Variants in RILPL2 observed in about 807,000 individuals in gnomAD.
RILPL2 encodes the protein RILP-like protein 2.
A neutral mutation model predicts 22.2 loss-of-function variants in RILPL2; 19 were observed. That is an observed-to-expected ratio of 0.86 (90% confidence interval 0.60 to 1.25). The LOEUF (loss-of-function observed/expected upper bound fraction) is 1.25. Ranked by LOEUF, RILPL2 falls within the 50% of genes most tolerant of loss-of-function variation. The pLI, the probability that RILPL2 is intolerant of heterozygous loss-of-function variation, is 0.00. For synonymous variants in RILPL2, 123 were observed against 111.6 expected (o/e 1.10, Z -0.64); for missense variants, 243 against 263.6 (o/e 0.92, Z 0.54).
At chr12:123,427,470 T>C (rs944194438) in intron 2 of RILPL2, among the ~76,000 whole-genome samples, 3 of 152,074 alleles carry the variant, frequency 2.0e-5, no homozygotes, top group South Asian at 2.1e-4. Flanking sequence ...CAAAGTTTCA[T>C]TGCAAAAGGT....
intron 3 of RILPL2, among the ~76,000 whole-genome samples, chr12:123,419,449 TGCATA>T (rs1468063161): frequency 6.6e-6 from 1 of 152,090 alleles, no homozygotes; most frequent in African/African-American, 2.4e-5. Context: ...CAGAGGAAAG[TGCATA>T]GCATGTTCCA....
rs1248805011 is a variant in RILPL2 at position 123,436,066 on chromosome 12, T to A, written c.339+16A>T. On this transcript the variant is annotated intron_variant, in intron 1 of 3. Coordinates refer to ENST00000280571, the MANE Select transcript of RILPL2 (RefSeq NM_145058.3). The surrounding 1 kb of genome is among the most constrained non-coding windows in gnomAD (Gnocchi z 6.7). ...CGCAGGCGCCGTGGGCCCGGAACCC[T>A]CGCTCCCACACTCACCTCCCCGCTG... 6 of 1,558,108 alleles carry A rather than the reference T, an allele frequency of 3.9e-6. No homozygotes were observed. The highest frequency in any genetic ancestry group is 3.5e-5 in the South Asian group (3 of 85,410).
intron 3 of RILPL2, 59 bp downstream of exon 3, chr12:123,422,985 C>G: frequency 7.0e-6 from 9 of 1,277,142 alleles, no homozygotes; most frequent in Non-Finnish European, 9.1e-6. Context: ...CTTCTTGCCC[C>G]CGACTACTTC....
chr12:123,410,031 A>G, the RILPL2 span, among the ~76,000 whole-genome samples: 1 of 152,014 alleles, frequency 6.6e-6, no homozygotes, highest in Non-Finnish European at 1.5e-5. Context: ...CGGCCACAGT[A>G]GAGACAGGGT....
At chr12:123,419,755 T>C (rs752795942) in intron 3 of RILPL2, among the ~76,000 whole-genome samples, 1 of 151,336 alleles carries the variant, frequency 6.6e-6, no homozygotes, top group Non-Finnish European at 1.5e-5. Context: ...ACAGAGGCCA[T>C]GGCTAATTTT....
rs1429780743 is a variant in RILPL2, at chr12:123,423,600, G to C, written c.492-443C>G. On this transcript the variant is annotated intron_variant, in intron 2 of 3. Coordinates refer to ENST00000280571, the MANE Select transcript of RILPL2 (RefSeq NM_145058.3). The stretch of plus-strand genomic sequence containing the variant: ...ATTACGGTTGAAAGCACTAGAGTCA[G>C]AGAAATTCTGTTTAAAATTAGAATC... 2.0e-5 allele frequency among the ~76,000 whole-genome samples: 3 copies of C among 151,754 alleles called. No individual in the cohort carries two copies. The East Asian group carries it at 5.8e-4, about 29-fold the overall frequency.
Position 123,436,271 on chromosome 12 carries a change from G to A in RILPL2, c.150C>T (p.Arg50=). ...DVYDISYLLG[R]ELMALGSDPR... ...GGTCGCTGCCCAGGGCCATAAGCTC[G>A]CGGCCCAACAGGTAGGAGATGTCAT... Residue 50 remains arginine, a synonymous_variant, in exon 1 of 4, where the codon CGC becomes CGT. Coordinates refer to ENST00000280571, the MANE Select transcript of RILPL2 (RefSeq NM_145058.3). This position sits in a 1 kb window ranked among gnomAD's most constrained non-coding sequence, Gnocchi z 6.7. The A allele has an allele frequency of 6.2e-7, 1 of 1,609,254 alleles. No individual in the cohort carries two copies. The highest frequency in any genetic ancestry group is 8.5e-7 in the Non-Finnish European group (1 of 1,178,038).
intron 3 of RILPL2, among the ~76,000 whole-genome samples, chr12:123,422,223 A>G (rs1472896497): frequency 9.4e-6 from 1 of 106,242 alleles, no homozygotes; most frequent in Non-Finnish European, 2.1e-5. Flanking sequence ...ATACCAGCTA[A>G]TTAAAAAAAA....
downstream of RILPL2, chr12:123,414,520 G>A (rs1308180922): frequency 6.5e-6 from 1 of 152,688 alleles, no homozygotes; most frequent in East Asian, 1.9e-4. Context: ...TGCAAGCTGA[G>A]GGAGCGGGCT....
chr12:123,416,805 C>G (rs1021857957), intron 3 of RILPL2, among the ~76,000 whole-genome samples: 2 of 152,196 alleles, frequency 1.3e-5, no homozygotes, highest in Non-Finnish European at 2.9e-5. Context: ...CACTTTTGCT[C>G]TATTAGGCTC....
Position 123,415,755 on chromosome 12 carries a change from C to T in RILPL2, c.*136G>A. The T allele has an allele frequency of 1.2e-6, 1 of 863,156 alleles. No homozygotes were observed. Among genetic ancestry groups the T allele is most frequent in the Non-Finnish European group, 2.0e-6 (1 of 507,338 alleles). The allele number at this position is 863,156 out of a possible 1,614,324, so 53.5% of individuals were successfully genotyped here. A position where few individuals can be genotyped will look rare whatever the true frequency, so the allele number is the denominator to read the frequency against. ...ATGCCAAGAGAACCTCGTCTCCTCC[C>T]TCCTCAGTCTGCTTTGAAGGGGAAA... On this transcript the variant is annotated 3_prime_UTR_variant, in exon 4 of 4. Transcript: ENST00000280571.
intron 3 of RILPL2, among the ~76,000 whole-genome samples, chr12:123,416,662 A>G (rs887791838): frequency 2.0e-5 from 3 of 152,200 alleles, no homozygotes; most frequent in Non-Finnish European, 4.4e-5. Context: ...AAAAAAACAC[A>G]TTCATTCGTT....
intron 2 of RILPL2, among the ~76,000 whole-genome samples, chr12:123,425,281 A>T (rs1456023978): frequency 4.6e-5 from 7 of 151,866 alleles, no homozygotes; most frequent in Admixed American, 4.6e-4. Context: ...GGTTCAAGCG[A>T]TTCTCCTGCC....
intron 3 of RILPL2, among the ~76,000 whole-genome samples, chr12:123,418,986 A>C (rs1360344586): frequency 7.8e-6 from 1 of 127,662 alleles, no homozygotes; most frequent in African/African-American, 3.0e-5. Context: ...AAAAGTGCTG[A>C]GATTATAGGT....
intron 3 of RILPL2, among the ~76,000 whole-genome samples, chr12:123,421,456 C>T (rs114491092): frequency 0.013 from 1,908 of 152,198 alleles, 42 homozygotes; most frequent in African/African-American, 0.043. Flanking sequence ...TGCTATTTCC[C>T]TGCCCACCAT....
chr12:123,430,099 C>CAA (rs59871132), intron 2 of RILPL2, among the ~76,000 whole-genome samples: 884 of 18,782 alleles, frequency 0.047, 366 homozygotes, highest in East Asian at 0.26. Context: ...GTGAGACCCT[C>CAA]AAAAAAAAAA....
At chr12:123,418,823 C>A (rs1879192295) in intron 3 of RILPL2, among the ~76,000 whole-genome samples, 1 of 138,942 alleles carries the variant, frequency 7.2e-6, no homozygotes, top group South Asian at 2.3e-4. Flanking sequence ...TGCAGTGGCG[C>A]AATCTCAGCT....
chr12:123,420,638 T>C (rs2048617), intron 3 of RILPL2, among the ~76,000 whole-genome samples: 6,722 of 151,478 alleles, frequency 0.044, 315 homozygotes, highest in East Asian at 0.24. Context: ...GGCTTCACCA[T>C]GTTGGCTAGG....
rs1879811292 is a variant in RILPL2, at chr12:123,436,555, C to CG, written c.-136dup. 13 of 1,394,826 alleles carry CG rather than the reference C, an allele frequency of 9.3e-6. No homozygotes were observed. In the East Asian group the frequency reaches 1.0e-4, roughly 11 times the overall value. The allele number at this position is 1,394,826 out of a possible 1,614,324, so 86.4% of individuals were successfully genotyped here. On this transcript the variant is annotated 5_prime_UTR_variant, in exon 1 of 4. Transcript: ENST00000280571. This position sits in a 1 kb window ranked among gnomAD's most constrained non-coding sequence, Gnocchi z 6.7. ...AATCAGCGCGGCCCGGGGGTGGGCCCGGGGGGATGGTGCAAGGGGCCGCGC... is the reference window on the plus strand; with the variant it reads ...AATCAGCGCGGCCCGGGGGTGGGCCCGGGGGGGATGGTGCAAGGGGCCGCGC...
Sources: gnomAD v4.1 joint callset for allele counts (sites outside exome capture counted in the v4.1 genomes callset) on GRCh38, gnomAD v4.1.1 for gene constraint, Gnocchi (gnomAD v3.1) non-coding constraint, MANE v1.5 for transcripts, NCBI Gene and HGNC (gene_info 2026-07-23, HGNC 2026-07-21) for gene names.